The following FBXL7 variants were observed in gnomAD, a reference collection of about 807,000 sequenced individuals.
FBXL7 encodes F-box/LRR-repeat protein 7.
FBXL7 carries 12 observed loss-of-function variants against 38.3 expected under a neutral mutation model. That is an observed-to-expected ratio of 0.31 (90% confidence interval 0.20 to 0.51). The LOEUF is 0.51. Among genes scored for constraint, FBXL7 ranks in the 20% least tolerant of loss-of-function variants. The pLI is 0.98. For missense variants in FBXL7, 567 were observed against 676.4 expected (o/e 0.84, Z 1.79); for synonymous variants, 297 against 300.9 (o/e 0.99, Z 0.13).
chr5:15,935,675 G>A (rs1246315393), intron 3 of FBXL7, among the ~76,000 whole-genome samples: 1 of 152,224 alleles, frequency 6.6e-6, no homozygotes, highest in Admixed American at 6.5e-5. Context: ...TAACACAGTT[G>A]TTCTTCCTCA....
intron 1 of FBXL7, among the ~76,000 whole-genome samples, chr5:15,512,364 T>C (rs1329283692): frequency 6.6e-6 from 1 of 152,234 alleles, no homozygotes; most frequent in African/African-American, 2.4e-5. Flanking sequence ...TATTCATTGC[T>C]CATCCTTCCG....
At chr5:15,914,731 AGAAAAT>A (rs1210683480) in intron 2 of FBXL7, among the ~76,000 whole-genome samples, 2 of 152,220 alleles carry the variant, frequency 1.3e-5, no homozygotes, top group African/African-American at 2.4e-5. Flanking sequence ...GCAACCAAAA[AGAAAAT>A]GAAAGTGATT....
chr5:15,668,950 C>T (rs896053856), intron 2 of FBXL7, among the ~76,000 whole-genome samples: 2 of 152,128 alleles, frequency 1.3e-5, no homozygotes, highest in African/African-American at 4.8e-5. Context: ...AGGACTGTTA[C>T]CATGAGTAAA....
intron 2 of FBXL7, among the ~76,000 whole-genome samples, chr5:15,793,656 T>A (rs1469841181): frequency 6.6e-6 from 1 of 152,052 alleles, no homozygotes. Flanking sequence ...GTTTTAGGAG[T>A]TTAGTGCACT....
At chr5:15,556,383 C>T (rs1218089999) in intron 1 of FBXL7, among the ~76,000 whole-genome samples, 11 of 152,082 alleles carry the variant, frequency 7.2e-5, no homozygotes, top group Non-Finnish European at 5.9e-5. Flanking sequence ...TCAGGCCCTC[C>T]CCCAGTTGGA....
At position 15,928,389 on chromosome 5, in the gene FBXL7, G is replaced by A; in HGVS notation, c.627G>A (p.Gln209=). The part of the protein sequence containing the change: ...LTDRGLYTIA[Q]CCPELRRLEV... ...ACCGAGGGCTGTACACCATCGCCCAGTGCTGCCCCGAACTGAGGCGACTGG... is the reference window on the plus strand; with the variant it reads ...ACCGAGGGCTGTACACCATCGCCCAATGCTGCCCCGAACTGAGGCGACTGG... Residue 209 remains glutamine (Q), a synonymous_variant, in exon 3 of 4, where the codon CAG becomes CAA. Coordinates refer to ENST00000504595, the MANE Select transcript of FBXL7 (RefSeq NM_012304.5). The surrounding 1 kb of genome is among the most constrained non-coding windows in gnomAD (Gnocchi z 4.0). The A allele has an allele frequency of 6.2e-7, 1 of 1,614,064 alleles. No homozygotes were observed. The highest frequency in any genetic ancestry group is 8.5e-7 in the Non-Finnish European group (1 of 1,179,906).
At chr5:15,819,737 AAGC>A (rs1299468455) in intron 2 of FBXL7, among the ~76,000 whole-genome samples, 1 of 152,186 alleles carries the variant, frequency 6.6e-6, no homozygotes, top group African/African-American at 2.4e-5. Flanking sequence ...TAGGACATCT[AAGC>A]AGCCCCAAGA....
intron 2 of FBXL7, among the ~76,000 whole-genome samples, chr5:15,840,442 T>A (rs919844745): frequency 6.6e-6 from 1 of 152,246 alleles, no homozygotes; most frequent in African/African-American, 2.4e-5. Context: ...GTTCCACAGA[T>A]AATTTCATTG....
At chr5:15,659,279 A>T (rs922374038) in intron 2 of FBXL7, among the ~76,000 whole-genome samples, 4 of 152,180 alleles carry the variant, frequency 2.6e-5, no homozygotes, top group African/African-American at 9.6e-5. Flanking sequence ...CAATGCAGTG[A>T]AGGAAAAAAA....
chr5:15,569,835 C>T (rs1738710737), intron 1 of FBXL7, among the ~76,000 whole-genome samples: 2 of 152,196 alleles, frequency 1.3e-5, no homozygotes, highest in South Asian at 2.1e-4. Context: ...TTTTCTGCAT[C>T]TATTGAGATA....
intron 2 of FBXL7, among the ~76,000 whole-genome samples, chr5:15,884,564 T>TA (rs1389564441): frequency 6.6e-6 from 1 of 152,166 alleles, no homozygotes; most frequent in East Asian, 1.9e-4. Flanking sequence ...CACTGGGAAT[T>TA]ACAGCCTCAA....
At chr5:15,667,230 T>C (rs1172605585) in intron 2 of FBXL7, among the ~76,000 whole-genome samples, 1 of 152,194 alleles carries the variant, frequency 6.6e-6, no homozygotes, top group Admixed American at 6.5e-5. Flanking sequence ...TTCTTTTCTT[T>C]TTATGGTGAT....
intron 2 of FBXL7, among the ~76,000 whole-genome samples, chr5:15,926,937 C>T (rs139680468): frequency 1.3e-5 from 2 of 151,782 alleles, no homozygotes; most frequent in East Asian, 3.9e-4. Flanking sequence ...AACTCACTCC[C>T]CTCATTTGTA....
At chr5:15,602,986 G>T (rs142291226) in intron 1 of FBXL7, among the ~76,000 whole-genome samples, 1 of 152,120 alleles carries the variant, frequency 6.6e-6, no homozygotes, top group South Asian at 2.1e-4. Flanking sequence ...GGTGCACACC[G>T]TCACAACTGG....
intron 2 of FBXL7, among the ~76,000 whole-genome samples, chr5:15,898,734 A>C (rs1741163388): frequency 6.6e-6 from 1 of 152,226 alleles, no homozygotes; most frequent in South Asian, 2.1e-4. Context: ...CAGCTAATCC[A>C]TTATGCCCAT....
intron 2 of FBXL7, among the ~76,000 whole-genome samples, chr5:15,625,678 CA>C (rs1740791390): frequency 6.6e-6 from 1 of 151,976 alleles, no homozygotes; most frequent in South Asian, 2.1e-4. Flanking sequence ...GCCAACCAGA[CA>C]AACAAACAAA....
At chr5:15,926,804 C>G (rs547113974) in intron 2 of FBXL7, among the ~76,000 whole-genome samples, 2 of 152,122 alleles carry the variant, frequency 1.3e-5, no homozygotes, top group African/African-American at 4.8e-5. Context: ...CTAGCAGAGG[C>G]CTTTCATTGG....
chr5:15,534,525 C>T (rs1339871489), intron 1 of FBXL7, among the ~76,000 whole-genome samples: 4 of 152,074 alleles, frequency 2.6e-5, no homozygotes, highest in Non-Finnish European at 5.9e-5. Context: ...GAATAATATT[C>T]CAATATCTGG....
intron 2 of FBXL7, among the ~76,000 whole-genome samples, chr5:15,781,461 G>A (rs1375333684): frequency 1.3e-5 from 2 of 151,878 alleles, no homozygotes; most frequent in Non-Finnish European, 2.9e-5. Context: ...GCGCGCGTGT[G>A]TGTGTGTGTT....
Sources: allele counts gnomAD v4.1 joint callset (sites outside exome capture counted in the v4.1 genomes callset), GRCh38; gene constraint gnomAD v4.1.1; non-coding constraint Gnocchi (gnomAD v3.1); transcripts MANE v1.5; gene names NCBI Gene and HGNC (gene_info 2026-07-23, HGNC 2026-07-21).